The following CDH12 variants were observed in gnomAD, a reference collection of about 807,000 sequenced individuals.
CDH12 encodes cadherin 12, also known as cadherin-12.
In CDH12, 41 loss-of-function variants were observed where a neutral mutation model predicts 74.1. The observed-to-expected ratio is 0.55, with a 90% CI of 0.43 to 0.72. The LOEUF is 0.72. Ranked by LOEUF, CDH12 falls within the 30% of genes least tolerant of loss-of-function variation. The pLI, the probability that CDH12 is intolerant of heterozygous loss-of-function variation, is 0.00. For synonymous variants in CDH12, 399 were observed against 355.0 expected (o/e 1.12, Z -1.39); for missense variants, 945 against 977.2 (o/e 0.97, Z 0.44).
At chr5:22,654,103 C>A (rs749856359) in intron 1 of CDH12, among the ~76,000 whole-genome samples, 6 of 149,832 alleles carry the variant, frequency 4.0e-5, no homozygotes, top group African/African-American at 7.4e-5. Context: ...TTCCTTCCTT[C>A]CTTCCCTGTC....
chr5:22,713,708 GGTGTGTGTATGT>G (rs777232486), intron 1 of CDH12, among the ~76,000 whole-genome samples: 3 of 151,852 alleles, frequency 2.0e-5, no homozygotes, highest in Non-Finnish European at 4.4e-5. Context: ...TAGATGGGAG[GGTGTGTGTATGT>G]GTGTGTGTGC....
At chr5:22,796,431 A>G (rs1340133897) in intron 1 of CDH12, among the ~76,000 whole-genome samples, 1 of 150,938 alleles carries the variant, frequency 6.6e-6, no homozygotes, top group Non-Finnish European at 1.5e-5. Flanking sequence ...TTCAGTTATT[A>G]GTAGGATGCT....
intron 1 of CDH12, among the ~76,000 whole-genome samples, chr5:22,801,993 A>G (rs903080680): frequency 7.9e-5 from 12 of 151,664 alleles, no homozygotes; most frequent in African/African-American, 2.9e-4. Context: ...AATATCCCTT[A>G]TACTTTCCAT....
intron 1 of CDH12, among the ~76,000 whole-genome samples, chr5:22,848,951 G>T (rs1581060423): frequency 6.6e-6 from 1 of 151,260 alleles, no homozygotes; most frequent in African/African-American, 2.4e-5. Flanking sequence ...GATATATTGT[G>T]CTTCTTCAGA....
At chr5:22,736,994 A>G (rs73742190) in intron 1 of CDH12, among the ~76,000 whole-genome samples, 2,539 of 152,068 alleles carry the variant, frequency 0.017, 72 homozygotes, top group African/African-American at 0.058. Flanking sequence ...TTTTATCGTT[A>G]TGAAATAATG....
chr5:22,081,479 T>C (rs1341454642), intron 4 of CDH12, among the ~76,000 whole-genome samples: 1 of 152,166 alleles, frequency 6.6e-6, no homozygotes. Context: ...CAGTTCAGAT[T>C]GGGAGATAAA....
chr5:22,559,524 A>C (rs1039492911), intron 1 of CDH12, among the ~76,000 whole-genome samples: 2 of 152,112 alleles, frequency 1.3e-5, no homozygotes, highest in African/African-American at 4.8e-5. Context: ...AGTGCTATGA[A>C]TCTTTCAAAA....
rs1032430720 is a variant in CDH12, at chr5:21,751,513, G to A, written c.*224C>T. 1.5e-5 allele frequency: 8 copies of A among 526,856 alleles called. No individual in the cohort carries two copies. Among genetic ancestry groups the A allele is most frequent in the South Asian group, 2.5e-5 (1 of 40,634 alleles). The allele number at this position is 526,856 out of a possible 1,614,324, so 32.6% of individuals were successfully genotyped here. A position where few individuals can be genotyped will look rare whatever the true frequency, so the allele number is the denominator to read the frequency against. ...CAAAACAAAGCAAGTACACATTATA[G>A]GATGTATCTCTTGTTGGCAGAATAA... On this transcript the variant is annotated 3_prime_UTR_variant, in exon 15 of 15. Coordinates refer to ENST00000382254, the MANE Select transcript of CDH12 (RefSeq NM_004061.5).
At chr5:22,837,809 T>C (rs1351633124) in intron 1 of CDH12, among the ~76,000 whole-genome samples, 1 of 152,186 alleles carries the variant, frequency 6.6e-6, no homozygotes, top group Non-Finnish European at 1.5e-5. Flanking sequence ...ATGATCATGG[T>C]AGATAGAAGC....
intron 1 of CDH12, among the ~76,000 whole-genome samples, chr5:22,566,163 C>T (rs946311447): frequency 6.6e-6 from 1 of 151,900 alleles, no homozygotes; most frequent in East Asian, 1.9e-4. Flanking sequence ...TGTCACCAGG[C>T]ATACATATTA....
At position 22,712,299 on chromosome 5, in the gene CDH12, C is replaced by T. The variant is rs188183557; in HGVS notation, c.-523+140759G>A. Among the ~76,000 whole-genome samples the T allele has an allele frequency of 4.6e-5, 7 of 152,066 alleles. No homozygotes were observed. The East Asian group carries it at 1.4e-3, about 29-fold the overall frequency. ...AAAAGTGATCTCAAACACTTCTGCT[C>T]CCAAATCAGTATATTCATTGGTACT... On this transcript the variant is annotated intron_variant, in intron 1 of 14. Transcript: ENST00000382254.
At chr5:22,089,204 TAA>T (rs1743256660) in intron 4 of CDH12, among the ~76,000 whole-genome samples, 1 of 152,096 alleles carries the variant, frequency 6.6e-6, no homozygotes, top group Non-Finnish European at 1.5e-5. Flanking sequence ...TCCAATTCAC[TAA>T]GAGATAAATG....
At chr5:22,493,492 G>A (rs570229477) in intron 2 of CDH12, among the ~76,000 whole-genome samples, 11 of 151,694 alleles carry the variant, frequency 7.3e-5, no homozygotes, top group Middle Eastern at 3.4e-3. Flanking sequence ...TACATGCTAC[G>A]CACTCTACTT....
chr5:22,042,804 T>A (rs1242402894), intron 5 of CDH12, among the ~76,000 whole-genome samples: 1 of 149,670 alleles, frequency 6.7e-6, no homozygotes, highest in Non-Finnish European at 1.5e-5. Flanking sequence ...GTAGGAGGAC[T>A]GATTCAGCCT....
At chr5:21,834,411 C>T (rs762739080) in intron 8 of CDH12, among the ~76,000 whole-genome samples, 1 of 151,686 alleles carries the variant, frequency 6.6e-6, no homozygotes, top group Non-Finnish European at 1.5e-5. Context: ...TTAGTAATGT[C>T]CCAAATACTA....
chr5:22,344,527 C>T (rs1383533149), intron 3 of CDH12, among the ~76,000 whole-genome samples: 2 of 151,984 alleles, frequency 1.3e-5, no homozygotes, highest in Non-Finnish European at 2.9e-5. Flanking sequence ...AAGCATGAGA[C>T]TCATATTTCA....
chr5:22,096,603 A>G (rs982980146), intron 4 of CDH12, among the ~76,000 whole-genome samples: 2 of 152,030 alleles, frequency 1.3e-5, no homozygotes, highest in Non-Finnish European at 2.9e-5. Flanking sequence ...TCTTTCCGCT[A>G]CTAGCCCTCC....
chr5:22,692,231 C>G (rs935310231), intron 1 of CDH12, among the ~76,000 whole-genome samples: 1 of 152,184 alleles, frequency 6.6e-6, no homozygotes, highest in East Asian at 1.9e-4. Flanking sequence ...CAGTCTGGGG[C>G]CCTTAACAGA....
chr5:22,691,186 A>G (rs149971987), intron 1 of CDH12, among the ~76,000 whole-genome samples: 85 of 152,348 alleles, frequency 5.6e-4, no homozygotes, highest in Middle Eastern at 3.4e-3. Context: ...ATAAAACTAT[A>G]CATGTATTTC....
Sources: gnomAD v4.1 joint callset for allele counts (sites outside exome capture counted in the v4.1 genomes callset) on GRCh38, gnomAD v4.1.1 for gene constraint, MANE v1.5 for transcripts, NCBI Gene and HGNC (gene_info 2026-07-23, HGNC 2026-07-21) for gene names.